PDE7B: variants seen among roughly 807,000 people sequenced by gnomAD.
PDE7B encodes phosphodiesterase 7B, also known as 3',5'-cyclic-AMP phosphodiesterase 7B.
In PDE7B, 29 loss-of-function variants were observed where a neutral mutation model predicts 56.2. The ratio of observed to expected loss-of-function variants is 0.52; its 90% confidence interval spans 0.38 to 0.70. The LOEUF (loss-of-function observed/expected upper bound fraction) is 0.70. Ranked by LOEUF, PDE7B falls within the 30% of genes least tolerant of loss-of-function variation. The pLI, the probability that PDE7B is intolerant of heterozygous loss-of-function variation, is 0.00. For missense variants in PDE7B, 490 were observed against 565.0 expected (o/e 0.87, Z 1.35); for synonymous variants, 197 against 196.9 (o/e 1.00, Z 0.00).
At chr6:135,952,890 T>C (rs940923297) in intron 2 of PDE7B, among the ~76,000 whole-genome samples, 3 of 152,162 alleles carry the variant, frequency 2.0e-5, no homozygotes, top group African/African-American at 7.2e-5. Flanking sequence ...TTTATTTAGT[T>C]AGAGAGTCTT....
At chr6:136,187,014 T>C (rs760697699) in intron 11 of PDE7B, 22 bp from the exon 12 acceptor site, 1 of 1,280,716 alleles carries the variant, frequency 7.8e-7, no homozygotes, top group Non-Finnish European at 1.1e-6. Flanking sequence ...ATGTGTTTTT[T>C]TCTTTCTTTC....
intron 2 of PDE7B, among the ~76,000 whole-genome samples, chr6:136,103,061 G>A (rs1239360388): frequency 1.3e-5 from 2 of 152,074 alleles, no homozygotes; most frequent in East Asian, 1.9e-4. Context: ...GTTTCTGGAC[G>A]ACTAACTCCT....
intron 2 of PDE7B, among the ~76,000 whole-genome samples, chr6:136,100,177 C>G (rs1777537739): frequency 6.6e-6 from 1 of 152,122 alleles, no homozygotes; most frequent in East Asian, 1.9e-4. Context: ...GTTACTGTAG[C>G]CTTGTAGTAT....
At chr6:135,855,651 G>T (rs1775012556) in intron 1 of PDE7B, among the ~76,000 whole-genome samples, 2 of 152,138 alleles carry the variant, frequency 1.3e-5, no homozygotes, top group South Asian at 4.1e-4. Flanking sequence ...CTGCTGTACA[G>T]GCCTGATTTG....
chr6:136,026,289 C>T (rs1776148940), intron 2 of PDE7B, among the ~76,000 whole-genome samples: 1 of 151,994 alleles, frequency 6.6e-6, no homozygotes, highest in African/African-American at 2.4e-5. Flanking sequence ...CATGTTCTTC[C>T]TCTCTGGTCA....
Position 135,924,257 on chromosome 6 carries a change from A to G in PDE7B, c.22-23207A>G, listed in dbSNP as rs141045004. ...TCACAATGCTCCTTATGACCTAAAA[A>G]ATTGGAAACAATTTAATTGTTCTGA... On this transcript the variant is annotated intron_variant, in intron 1 of 12. Transcript: ENST00000308191. Among the ~76,000 whole-genome samples, 18 of 152,350 alleles carry G rather than the reference A, an allele frequency of 1.2e-4. 2 individuals are homozygous for G. The highest frequency in any genetic ancestry group is 5.8e-4 in the East Asian group (3 of 5,188).
intron 1 of PDE7B, among the ~76,000 whole-genome samples, chr6:135,925,027 T>A: frequency 7.0e-6 from 1 of 143,864 alleles, no homozygotes. Flanking sequence ...ATGGGGAAAA[T>A]CTTGTTTCAT....
At chr6:136,087,296 T>C (rs1277020484) in intron 2 of PDE7B, among the ~76,000 whole-genome samples, 1 of 152,206 alleles carries the variant, frequency 6.6e-6, no homozygotes, top group Non-Finnish European at 1.5e-5. Context: ...AAGCTCTCTA[T>C]CTGGGAACCA....
intron 1 of PDE7B, among the ~76,000 whole-genome samples, chr6:135,854,101 C>G (rs905943806): frequency 6.6e-6 from 1 of 152,068 alleles, no homozygotes; most frequent in South Asian, 2.1e-4. Context: ...GTAAAATGAC[C>G]AAGTTTCCTC....
chr6:136,038,761 C>A (rs1438254045), intron 2 of PDE7B, among the ~76,000 whole-genome samples: 1 of 152,154 alleles, frequency 6.6e-6, no homozygotes, highest in Non-Finnish European at 1.5e-5. Context: ...CTCAGCTTGA[C>A]AAATGCTTGC....
At chr6:136,041,660 G>A (rs1251161174) in intron 2 of PDE7B, among the ~76,000 whole-genome samples, 1 of 152,236 alleles carries the variant, frequency 6.6e-6, no homozygotes, top group African/African-American at 2.4e-5. Context: ...ACCCTAGCAA[G>A]GGGCTCTGGA....
Position 135,893,155 on chromosome 6 carries a change from T to C in PDE7B, c.21+41136T>C, listed in dbSNP as rs2128190404. Among the ~76,000 whole-genome samples the C allele has an allele frequency of 2.0e-5, 3 of 152,062 alleles. 1 individual carries two copies. The highest frequency in any genetic ancestry group is 3.4e-3 in the Middle Eastern group (1 of 294). ...CATATGTATACATGTGCCATGTTGGTGTGCTGCACCCATTAACTCGTCATT... is the reference window on the plus strand; with the variant it reads ...CATATGTATACATGTGCCATGTTGGCGTGCTGCACCCATTAACTCGTCATT... On this transcript the variant is annotated intron_variant, in intron 1 of 12. Transcript: ENST00000308191.
chr6:136,178,295 T>A (rs1163470047), intron 9 of PDE7B, among the ~76,000 whole-genome samples: 1 of 152,228 alleles, frequency 6.6e-6, no homozygotes, highest in Non-Finnish European at 1.5e-5. Flanking sequence ...GTATTCCCTA[T>A]GCATTCTACT....
chr6:135,904,022 C>T (rs1376073303), intron 1 of PDE7B, among the ~76,000 whole-genome samples: 3 of 152,038 alleles, frequency 2.0e-5, no homozygotes, highest in Non-Finnish European at 4.4e-5. Flanking sequence ...AAAATATTAC[C>T]AACTAAGTAA....
At chr6:135,954,045 A>G (rs1774747026) in intron 2 of PDE7B, among the ~76,000 whole-genome samples, 1 of 152,186 alleles carries the variant, frequency 6.6e-6, no homozygotes, top group South Asian at 2.1e-4. Context: ...GAACCTGGAT[A>G]TTCTCAAGGG....
At chr6:135,936,677 T>C (rs1456248697) in intron 1 of PDE7B, among the ~76,000 whole-genome samples, 1 of 152,182 alleles carries the variant, frequency 6.6e-6, no homozygotes. Flanking sequence ...TGCAGCATGC[T>C]CTTCCAGCAG....
At chr6:135,970,368 G>A (rs1050206711) in intron 2 of PDE7B, among the ~76,000 whole-genome samples, 9 of 152,152 alleles carry the variant, frequency 5.9e-5, no homozygotes, top group Admixed American at 5.9e-4. Context: ...GAAGGCCAGA[G>A]TGTGGAATGG....
chr6:135,894,967 G>T (rs1775872219), intron 1 of PDE7B, among the ~76,000 whole-genome samples: 1 of 152,012 alleles, frequency 6.6e-6, no homozygotes, highest in African/African-American at 2.4e-5. Context: ...TGGATAATTT[G>T]ATCAAATGCC....
chr6:136,154,216 G>A (rs1422386479), intron 7 of PDE7B, 41 bp downstream of exon 7: 1 of 1,329,540 alleles, frequency 7.5e-7, no homozygotes, highest in Non-Finnish European at 1.1e-6. Flanking sequence ...ACCTGGAAAT[G>A]CCAAGGAAAC....
Sources: gnomAD v4.1 joint callset for allele counts (sites outside exome capture counted in the v4.1 genomes callset) on GRCh38, gnomAD v4.1.1 for gene constraint, MANE v1.5 for transcripts, NCBI Gene and HGNC (gene_info 2026-07-23, HGNC 2026-07-21) for gene names.